RASGRF2: variants seen among roughly 807,000 people sequenced by gnomAD.
The protein encoded by RASGRF2 is Ras protein specific guanine nucleotide releasing factor 2, also known as ras-specific guanine nucleotide-releasing factor 2.
In RASGRF2, 76 loss-of-function variants were observed where a neutral mutation model predicts 151.0. The observed-to-expected ratio is 0.50, with a 90% confidence interval of 0.42 to 0.61. RASGRF2 has a LOEUF of 0.61. Among genes scored for constraint, RASGRF2 ranks in the 20% least tolerant of loss-of-function variants. The pLI is 0.00. For missense variants in RASGRF2, 1,148 were observed against 1,564.6 expected, an observed-to-expected ratio of 0.73 and a Z score of 4.49; for synonymous variants, 504 against 566.5, an observed-to-expected ratio of 0.89 and a Z score of 1.57.
intron 2 of RASGRF2, among the ~76,000 whole-genome samples, chr5:81,064,054 TA>T (rs1751522041): frequency 6.6e-6 from 1 of 152,230 alleles, no homozygotes; most frequent in African/African-American, 2.4e-5. Context: ...AACCCAGGCA[TA>T]GCTTAGCTGG....
chr5:81,072,187 C>G (rs1181389620), intron 4 of RASGRF2, among the ~76,000 whole-genome samples: 1 of 152,110 alleles, frequency 6.6e-6, no homozygotes, highest in Admixed American at 6.5e-5. Context: ...TAGACTAAAA[C>G]TTAAAATTGG....
chr5:81,129,482 G>T (rs1753558273), intron 17 of RASGRF2, among the ~76,000 whole-genome samples: 1 of 151,858 alleles, frequency 6.6e-6, no homozygotes, highest in South Asian at 2.1e-4. Context: ...TTTGCAAATT[G>T]ACCACATTCT....
At chr5:81,044,839 T>C (rs1374585004) in intron 2 of RASGRF2, among the ~76,000 whole-genome samples, 2 of 152,184 alleles carry the variant, frequency 1.3e-5, no homozygotes, top group African/African-American at 4.8e-5. Context: ...CTTTTCTTGT[T>C]CTATTTTTTT....
chr5:80,993,427 G>A (rs1475021894), intron 1 of RASGRF2, among the ~76,000 whole-genome samples: 1 of 152,190 alleles, frequency 6.6e-6, no homozygotes, highest in East Asian at 1.9e-4. Flanking sequence ...AGTAAATCCA[G>A]TGGTTTCTAC....
At chr5:81,012,056 G>A (rs504365) in intron 1 of RASGRF2, among the ~76,000 whole-genome samples, 10 of 152,048 alleles carry the variant, frequency 6.6e-5, no homozygotes, top group African/African-American at 2.2e-4. Context: ...ACTTGTCTTC[G>A]AGCATCCCAG....
At chr5:81,210,646 A>G (rs570974533) in intron 22 of RASGRF2, among the ~76,000 whole-genome samples, 1 of 152,284 alleles carries the variant, frequency 6.6e-6, no homozygotes, top group Admixed American at 6.5e-5. Flanking sequence ...TGAAAGGTCA[A>G]TCTAATTATC....
In RASGRF2 at chr5:81,011,552, A is replaced by T. The variant is rs111620514; in HGVS notation, c.289-31325A>T. On this transcript the variant is annotated intron_variant, in intron 1 of 26. Coordinates refer to ENST00000265080, the MANE Select transcript of RASGRF2 (RefSeq NM_006909.3). ...AAGTTGGGAGTTTGAGACTAGCCTG[A>T]CTAACATGGAGAAACCCCGTCTCTA... is the stretch of plus-strand genomic sequence containing the variant. Among the ~76,000 whole-genome samples, 273 of 151,958 alleles carry T rather than the reference A, an allele frequency of 1.8e-3. 1 individual carries two copies. Among genetic ancestry groups the T allele is most frequent in the African/African-American group, 6.2e-3 (257 of 41,440 alleles).
At chr5:81,033,958 AT>A (rs1400096009) in intron 1 of RASGRF2, among the ~76,000 whole-genome samples, 4 of 152,216 alleles carry the variant, frequency 2.6e-5, no homozygotes, top group East Asian at 3.8e-4. Flanking sequence ...ACAAGAAAAA[AT>A]CAAACAACCC....
At chr5:81,148,313 A>G (rs1754051738) in intron 17 of RASGRF2, among the ~76,000 whole-genome samples, 1 of 152,190 alleles carries the variant, frequency 6.6e-6, no homozygotes, top group Admixed American at 6.5e-5. Flanking sequence ...ACAGCTGAAG[A>G]ATTAATTGGT....
intron 1 of RASGRF2, among the ~76,000 whole-genome samples, chr5:81,022,227 A>G (rs1422025184): frequency 6.6e-6 from 1 of 152,078 alleles, no homozygotes; most frequent in Non-Finnish European, 1.5e-5. Flanking sequence ...AAAGCAGTGA[A>G]TTCTCTCCCA....
At chr5:81,223,583 G>GTAAGCC (rs1460737021) in intron 26 of RASGRF2, 1 of 152,138 alleles carries the variant, frequency 6.6e-6, no homozygotes, top group Non-Finnish European at 1.5e-5. Context: ...GGAGCTTGCA[G>GTAAGCC]TGAGCCAAGA....
At chr5:81,068,830 C>T (rs978266467) in intron 3 of RASGRF2, among the ~76,000 whole-genome samples, 1 of 152,090 alleles carries the variant, frequency 6.6e-6, no homozygotes, top group African/African-American at 2.4e-5. Flanking sequence ...CCTGAGTCCT[C>T]CCTCCCTCCC....
intron 15 of RASGRF2, among the ~76,000 whole-genome samples, chr5:81,116,516 G>C (rs1318062990): frequency 6.6e-6 from 1 of 152,144 alleles, no homozygotes; most frequent in Non-Finnish European, 1.5e-5. Context: ...CTAGCACGGA[G>C]TAAACTTCAA....
At chr5:81,086,049 T>C in intron 8 of RASGRF2, 138 bp downstream of exon 8, 1 of 1,393,142 alleles carries the variant, frequency 7.2e-7, no homozygotes, top group South Asian at 1.5e-5. Context: ...AGTTAAATAG[T>C]AGCTTGTGAG....
At chr5:81,185,754 C>T (rs559156050) in intron 18 of RASGRF2, among the ~76,000 whole-genome samples, 3 of 152,330 alleles carry the variant, frequency 2.0e-5, no homozygotes, top group South Asian at 4.1e-4. Context: ...GCAGAAAGGG[C>T]CTCCTGTGCA....
chr5:81,216,870 A>C, intron 24 of RASGRF2: 2 of 400,086 alleles, frequency 5.0e-6, no homozygotes, highest in Non-Finnish European at 5.1e-6. Flanking sequence ...TGTGATGTTA[A>C]GTCTACACTT....
intron 1 of RASGRF2, 41 bp from the exon 2 acceptor site, chr5:81,042,835 GA>G: frequency 2.1e-6 from 3 of 1,433,520 alleles, no homozygotes; most frequent in Non-Finnish European, 2.9e-6. Context: ...TGTTGTGCTT[GA>G]AAAATAGAAC....
At chr5:81,179,200 T>C (rs1754856139) in intron 17 of RASGRF2, among the ~76,000 whole-genome samples, 1 of 152,246 alleles carries the variant, frequency 6.6e-6, no homozygotes, top group Non-Finnish European at 1.5e-5. Context: ...GTAGCCAAGA[T>C]AGAGACATTA....
At chr5:81,110,170 T>C (rs1183205596) in intron 13 of RASGRF2, among the ~76,000 whole-genome samples, 1 of 152,228 alleles carries the variant, frequency 6.6e-6, no homozygotes, top group African/African-American at 2.4e-5. Flanking sequence ...AATTATCTTA[T>C]TGTAACTGTG....
Sources: allele counts gnomAD v4.1 joint callset (sites outside exome capture counted in the v4.1 genomes callset), GRCh38; gene constraint gnomAD v4.1.1; transcripts MANE v1.5; gene names NCBI Gene and HGNC (gene_info 2026-07-23, HGNC 2026-07-21).